Variants in SARDH observed in about 807,000 individuals in gnomAD.
SARDH encodes sarcosine dehydrogenase, also known as sarcosine dehydrogenase, mitochondrial.
Under a neutral mutation model 109.1 loss-of-function variants are expected in SARDH, and 95 were observed. That is an observed-to-expected ratio of 0.87 (90% CI 0.74 to 1.03). The LOEUF (loss-of-function observed/expected upper bound fraction) is 1.03, where lower values mean the gene tolerates loss of function less well. SARDH is among the 50% of genes least tolerant of loss of function. SARDH has a pLI of 0.00. For synonymous variants in SARDH, 572 were observed against 534.8 expected (o/e 1.07, Z -0.96); for missense variants, 1,267 against 1,287.8 (o/e 0.98, Z 0.25).
chr9:133,734,648 C>T (rs899040834), intron 1 of SARDH, among the ~76,000 whole-genome samples: 14 of 152,102 alleles, frequency 9.2e-5, no homozygotes, highest in African/African-American at 2.9e-4. Flanking sequence ...GAGTGGGTGG[C>T]GTGGCTGGCA....
chr9:133,696,048 G>A (rs535132572), intron 14 of SARDH, among the ~76,000 whole-genome samples, 175 bp downstream of exon 14: 4 of 123,124 alleles, frequency 3.2e-5, no homozygotes, highest in South Asian at 2.8e-4. Flanking sequence ...TGAGGGCCTG[G>A]GGCCTGGGAT....
intron 17 of SARDH, among the ~76,000 whole-genome samples, chr9:133,677,943 C>A (rs1830574085): frequency 6.6e-6 from 1 of 152,252 alleles, no homozygotes; most frequent in African/African-American, 2.4e-5. Flanking sequence ...GAGTCCCCCA[C>A]ACTTAGGCAA....
At chr9:133,708,780 T>C (rs1447199299) in intron 10 of SARDH, among the ~76,000 whole-genome samples, 1 of 152,054 alleles carries the variant, frequency 6.6e-6, no homozygotes, top group Non-Finnish European at 1.5e-5. Flanking sequence ...CCTACATGAC[T>C]GGGGAGGGAG....
At chr9:133,671,152 C>T (rs1478610277) in intron 18 of SARDH, among the ~76,000 whole-genome samples, 2 of 152,170 alleles carry the variant, frequency 1.3e-5, no homozygotes, top group African/African-American at 4.8e-5. Context: ...GTCTGGGCTT[C>T]TTCCAGAGGC....
At position 133,718,496 on chromosome 9, in the gene SARDH, G is replaced by A. The variant is rs148315218; in HGVS notation, c.1020+442C>T. 2.3e-3 allele frequency: 1,209 copies of A among 526,518 alleles called. 16 individuals carry two copies. Among genetic ancestry groups the A allele is most frequent in the African/African-American group, 0.02 (1,068 of 52,752 alleles). The allele number at this position is 526,518 out of a possible 1,614,324, so 32.6% of individuals were successfully genotyped here. On this transcript the variant is annotated intron_variant, in intron 7 of 20. Transcript: ENST00000439388. This position sits in a 1 kb window ranked among gnomAD's most constrained non-coding sequence, Gnocchi z 4.2. ...TTTAGCCCAAAGTAGCCACTCAGTC[G>A]TTCCATGTGTGGACTAAATGCATAT...
At chr9:133,696,571 T>C (rs1256515802) in intron 13 of SARDH, among the ~76,000 whole-genome samples, 1 of 152,104 alleles carries the variant, frequency 6.6e-6, no homozygotes, top group South Asian at 2.1e-4. Context: ...ATAGATAATA[T>C]GCTAAGCCAC....
chr9:133,703,991 G>A (rs1831592199), intron 12 of SARDH, among the ~76,000 whole-genome samples: 1 of 152,120 alleles, frequency 6.6e-6, no homozygotes, highest in African/African-American at 2.4e-5. Flanking sequence ...CTCGCCCAGG[G>A]ACAGGGGAGA....
At chr9:133,731,245 T>C (rs1832668664) in intron 4 of SARDH, 60 bp downstream of exon 4, 1 of 1,587,386 alleles carries the variant, frequency 6.3e-7, no homozygotes, top group South Asian at 1.1e-5. Context: ...GCTCTCAGGG[T>C]TCTAAGGCAG....
In SARDH at chr9:133,692,712, TCCCGA is replaced by T. The variant is rs927244520; in HGVS notation, c.1921+1541_1921+1545del. On this transcript the variant is annotated intron_variant, in intron 15 of 20. Transcript: ENST00000439388. The surrounding 1 kb of genome is among the most constrained non-coding windows in gnomAD (Gnocchi z 5.0). Reference sequence around the variant, plus strand: ...AGCCCCACCGGCCTCCTTCACCTCCTCCCGACCCTGGCTACCTGGTGCTTCCACAC... The same window carrying T: ...AGCCCCACCGGCCTCCTTCACCTCCTCCCTGGCTACCTGGTGCTTCCACAC... Among the ~76,000 whole-genome samples, 1 of 151,972 alleles carries T rather than the reference TCCCGA, an allele frequency of 6.6e-6. No individual in the cohort carries two copies. The highest frequency in any genetic ancestry group is 1.5e-5 in the Non-Finnish European group (1 of 67,988).
At chr9:133,683,296 A>G (rs1830764139) in intron 17 of SARDH, among the ~76,000 whole-genome samples, 1 of 152,130 alleles carries the variant, frequency 6.6e-6, no homozygotes, top group Non-Finnish European at 1.5e-5. Context: ...GGGTGGGGGC[A>G]AGGCTGCTGG....
chr9:133,667,206 T>G (rs1048049161), intron 19 of SARDH: 9 of 532,676 alleles, frequency 1.7e-5, no homozygotes, highest in South Asian at 1.1e-4. Context: ...TTTTTTTTTT[T>G]TTTTTTTTTT....
At chr9:133,711,274 G>A in intron 10 of SARDH, among the ~76,000 whole-genome samples, 1 of 152,224 alleles carries the variant, frequency 6.6e-6, no homozygotes, top group East Asian at 1.9e-4. Context: ...TGGTTGGTGG[G>A]TTCCAGAGCT....
intron 13 of SARDH, 39 bp downstream of exon 13, chr9:133,702,877 C>A (rs1036960793): frequency 3.2e-5 from 51 of 1,584,054 alleles, no homozygotes; most frequent in Non-Finnish European, 3.9e-5. Flanking sequence ...GAGGGACAGG[C>A]AGAAGGACGG....
chr9:133,731,641 T>C (rs964454576), intron 3 of SARDH, among the ~76,000 whole-genome samples, 157 bp from the exon 4 acceptor site: 4 of 152,094 alleles, frequency 2.6e-5, no homozygotes, highest in African/African-American at 7.2e-5. Flanking sequence ...TTGAATCCGC[T>C]TCAGCATAAG....
At chr9:133,736,387 G>GT (rs1564306718) in intron 1 of SARDH, among the ~76,000 whole-genome samples, 144 of 113,774 alleles carry the variant, frequency 1.3e-3, no homozygotes, top group African/African-American at 3.6e-3. Context: ...TGTTGTTGTT[G>GT]TTGTTGTTTG....
Position 133,712,782 on chromosome 9 carries a change from C to T in SARDH, c.1238-73G>A. The stretch of plus-strand genomic sequence containing the variant: ...CCACCCATGTCCAAACATGTGCCCC[C>T]ATCTCCACGGACAGCACAGACACTC... On this transcript the variant is annotated intron_variant, in intron 9 of 20. Transcript: ENST00000439388. This position sits in a 1 kb window ranked among gnomAD's most constrained non-coding sequence, Gnocchi z 4.1. The T allele has an allele frequency of 1.4e-6, 2 of 1,405,090 alleles. No homozygotes were observed. The highest frequency in any genetic ancestry group is 2.0e-6 in the Non-Finnish European group (2 of 1,010,056). 87.0% of individuals were successfully genotyped at this position (1,405,090 alleles called of 1,614,324 possible).
chr9:133,694,218 G>T (rs780197729), intron 15 of SARDH, 40 bp downstream of exon 15: 2 of 1,430,726 alleles, frequency 1.4e-6, no homozygotes, highest in Non-Finnish European at 1.9e-6. Flanking sequence ...CACAGAGCAG[G>T]CCGCAGTCAC....
chr9:133,682,850 G>A (rs1191142696), intron 17 of SARDH, among the ~76,000 whole-genome samples: 1 of 140,004 alleles, frequency 7.1e-6, no homozygotes, highest in African/African-American at 3.0e-5. Flanking sequence ...CGCAGTGATG[G>A]TTGGAAACTG....
chr9:133,737,208 G>A (rs1201419743), intron 1 of SARDH, among the ~76,000 whole-genome samples: 1 of 152,236 alleles, frequency 6.6e-6, no homozygotes, highest in Non-Finnish European at 1.5e-5. Flanking sequence ...GGGGATGTGA[G>A]GGGGATCCCA....
Sources: gnomAD v4.1 joint callset for allele counts (sites outside exome capture counted in the v4.1 genomes callset) on GRCh38, gnomAD v4.1.1 for gene constraint, Gnocchi (gnomAD v3.1) non-coding constraint, MANE v1.5 for transcripts, NCBI Gene and HGNC (gene_info 2026-07-23, HGNC 2026-07-21) for gene names.